Variants in LRRTM3 observed in about 807,000 individuals in gnomAD.
The protein encoded by LRRTM3 is leucine-rich repeat transmembrane neuronal protein 3.
Under a neutral mutation model 44.7 loss-of-function variants are expected in LRRTM3, and 24 were observed. The ratio of observed to expected loss-of-function variants is 0.54; its 90% CI spans 0.39 to 0.76. LRRTM3 has a LOEUF of 0.76. Ranked by LOEUF, LRRTM3 falls within the 30% of genes least tolerant of loss-of-function variation. The probability of loss-of-function intolerance (pLI) is 0.00; values close to 1 mark genes in which losing one functional copy is unlikely to be tolerated. For synonymous variants in LRRTM3, 277 were observed against 278.7 expected (o/e 0.99, Z 0.06); for missense variants, 587 against 702.2 (o/e 0.84, Z 1.85).
At chr10:66,940,419 A>G (rs1237463048) in intron 2 of LRRTM3, among the ~76,000 whole-genome samples, 1 of 152,180 alleles carries the variant, frequency 6.6e-6, no homozygotes, top group Non-Finnish European at 1.5e-5. Context: ...GGATACAGTG[A>G]GCAACGATTG....
At chr10:67,042,184 T>TG (rs1854435910) in intron 2 of LRRTM3, among the ~76,000 whole-genome samples, 1 of 152,024 alleles carries the variant, frequency 6.6e-6, no homozygotes, top group South Asian at 2.1e-4. Context: ...AGAACAAACC[T>TG]GGATGTTAGA....
intron 2 of LRRTM3, among the ~76,000 whole-genome samples, chr10:66,930,873 T>C (rs576851710): frequency 2.6e-5 from 4 of 152,268 alleles, no homozygotes; most frequent in East Asian, 1.9e-4. Flanking sequence ...CATGAAATTA[T>C]GGGAAAAAAG....
intron 2 of LRRTM3, among the ~76,000 whole-genome samples, chr10:67,048,390 T>C (rs1458982734): frequency 6.6e-6 from 1 of 152,094 alleles, no homozygotes; most frequent in East Asian, 1.9e-4. Context: ...TACATGATGA[T>C]CAACACCAAG....
At chr10:66,956,182 C>T (rs1848782917) in intron 2 of LRRTM3, among the ~76,000 whole-genome samples, 1 of 151,458 alleles carries the variant, frequency 6.6e-6, no homozygotes, top group African/African-American at 2.4e-5. Context: ...CAAAGAGTTC[C>T]TCTTTTTCTA....
chr10:66,966,743 A>G (rs1849436220), intron 2 of LRRTM3, among the ~76,000 whole-genome samples: 1 of 152,140 alleles, frequency 6.6e-6, no homozygotes, highest in Non-Finnish European at 1.5e-5. Context: ...AACCATATTT[A>G]GAACTTAGCA....
At chr10:67,073,368 C>T (rs192768548) in intron 2 of LRRTM3, among the ~76,000 whole-genome samples, 39 of 152,158 alleles carry the variant, frequency 2.6e-4, no homozygotes, top group African/African-American at 9.4e-4. Context: ...AACCATATTG[C>T]TTTTTTTCAT....
chr10:67,015,641 T>A (rs1303298648), intron 2 of LRRTM3, among the ~76,000 whole-genome samples: 2 of 152,204 alleles, frequency 1.3e-5, no homozygotes, highest in Admixed American at 6.5e-5. Flanking sequence ...TATTCATTGT[T>A]CTATCTAAAA....
intron 2 of LRRTM3, among the ~76,000 whole-genome samples, chr10:67,020,006 TACC>T (rs1200883650): frequency 7.4e-5 from 2 of 27,024 alleles, no homozygotes; most frequent in East Asian, 1.6e-3. Flanking sequence ...ATTGTGTTAA[TACC>T]AATATCAACT....
rs11369576 is a variant in LRRTM3, at chr10:67,005,682, CTTT to C, written c.1536+77249_1536+77251del. ...AATGCTTTTGTTTATTTTACTCCAT[CTTT>C]TTTTTTTTTTTTTTTTTTGAGACGG... On this transcript the variant is annotated intron_variant, in intron 2 of 2. Transcript: ENST00000361320. Among the ~76,000 whole-genome samples the C allele has an allele frequency of 4.4e-4, 27 of 61,986 alleles. 1 individual carries two copies. Among genetic ancestry groups the C allele is most frequent in the East Asian group, 4.1e-3 (6 of 1,460 alleles). 40.7% of individuals were successfully genotyped at this position (61,986 alleles called of 152,430 possible). A position where few individuals can be genotyped will look rare whatever the true frequency, so the allele number is the denominator to read the frequency against.
rs942185288 is a variant in LRRTM3, at chr10:66,936,658, G to T, written c.1536+8206G>T. 3.3e-5 allele frequency among the ~76,000 whole-genome samples: 5 copies of T among 152,174 alleles called. No individual in the cohort carries two copies. The East Asian group carries it at 7.7e-4, about 24-fold the overall frequency. Reference sequence around the variant, plus strand: ...GATGGACTAGATTGAACTCTACAGCGCAATCTAGTCAACTCTGAGATGTCT... The same window carrying T: ...GATGGACTAGATTGAACTCTACAGCTCAATCTAGTCAACTCTGAGATGTCT... On this transcript the variant is annotated intron_variant, in intron 2 of 2. Transcript: ENST00000361320.
intron 2 of LRRTM3, among the ~76,000 whole-genome samples, chr10:67,005,682 C>CTTTTTTTTTTTTTTTTTTTTTTTTTTTT (rs11369576): frequency 6.5e-5 from 4 of 61,984 alleles, no homozygotes; most frequent in Non-Finnish European, 1.2e-4. Context: ...TTTACTCCAT[C>CTTTTTTTTTTTTTTTTTTTTTTTTTTTT]TTTTTTTTTT....
chr10:67,065,872 A>G (rs1243439765), intron 2 of LRRTM3, among the ~76,000 whole-genome samples: 1 of 152,150 alleles, frequency 6.6e-6, no homozygotes, highest in African/African-American at 2.4e-5. Context: ...TAGGACCTCA[A>G]CTAAAAGAGG....
intron 2 of LRRTM3, among the ~76,000 whole-genome samples, chr10:67,044,911 C>G (rs1293147583): frequency 6.6e-6 from 1 of 152,064 alleles, no homozygotes; most frequent in Non-Finnish European, 1.5e-5. Flanking sequence ...CTATTTCCCC[C>G]TGGGAAAAAC....
intron 2 of LRRTM3, among the ~76,000 whole-genome samples, chr10:66,957,397 T>TATATATATATATGC (rs1564793769): frequency 2.7e-5 from 1 of 36,834 alleles, no homozygotes; most frequent in Admixed American, 3.4e-4. Flanking sequence ...TATATACATA[T>TATATATATATATGC]ATATATATAT....
intron 2 of LRRTM3, among the ~76,000 whole-genome samples, chr10:66,941,827 T>C (rs1848011293): frequency 6.6e-6 from 1 of 152,180 alleles, no homozygotes; most frequent in African/African-American, 2.4e-5. Context: ...TATATCCAAG[T>C]TTTTATTATA....
chr10:66,963,203 T>G (rs1849215313), intron 2 of LRRTM3, among the ~76,000 whole-genome samples: 1 of 152,206 alleles, frequency 6.6e-6, no homozygotes, highest in Non-Finnish European at 1.5e-5. Flanking sequence ...CACAACCACA[T>G]GGGACAGTGC....
intron 2 of LRRTM3, among the ~76,000 whole-genome samples, chr10:67,036,944 A>G (rs1037164634): frequency 6.6e-6 from 1 of 152,276 alleles, no homozygotes; most frequent in Non-Finnish European, 1.5e-5. Context: ...ATAGGAGGAA[A>G]TGATACTTGG....
intron 2 of LRRTM3, among the ~76,000 whole-genome samples, chr10:66,939,794 T>C (rs1209790101): frequency 1.3e-5 from 2 of 152,188 alleles, no homozygotes; most frequent in Non-Finnish European, 2.9e-5. Context: ...CTTGTAGTTA[T>C]AAGGACTTTT....
chr10:67,079,556 T>A (rs765320902), intron 2 of LRRTM3, among the ~76,000 whole-genome samples: 8 of 151,868 alleles, frequency 5.3e-5, no homozygotes, highest in Non-Finnish European at 1.5e-5. Context: ...AACATAACAA[T>A]AAGATAGTCA....
Sources: gnomAD v4.1 joint callset for allele counts (sites outside exome capture counted in the v4.1 genomes callset) on GRCh38, gnomAD v4.1.1 for gene constraint, MANE v1.5 for transcripts, NCBI Gene and HGNC (gene_info 2026-07-23, HGNC 2026-07-21) for gene names.